PSD3: variants seen among roughly 807,000 people sequenced by gnomAD.
The protein encoded by PSD3 is pleckstrin and Sec7 domain containing 3.
Under a neutral mutation model 105.5 loss-of-function variants are expected in PSD3, and 49 were observed. The ratio of observed to expected loss-of-function variants is 0.46; its 90% confidence interval spans 0.37 to 0.59. PSD3 has a LOEUF of 0.59. Ranked by LOEUF, PSD3 falls within the 20% of genes least tolerant of loss-of-function variation. The pLI is 0.00. For missense variants in PSD3, 1,561 were observed against 1,263.8 expected, an observed-to-expected ratio of 1.24 and a Z score of -3.57; for synonymous variants, 557 against 457.8, an observed-to-expected ratio of 1.22 and a Z score of -2.77.
At chr8:18,768,409 T>C (rs1461036349) in intron 8 of PSD3, among the ~76,000 whole-genome samples, 1 of 152,156 alleles carries the variant, frequency 6.6e-6, no homozygotes, top group South Asian at 2.1e-4. Flanking sequence ...AGATCAAGAC[T>C]AGCCTGGGTA....
At chr8:18,800,052 T>C (rs1306663196) in intron 7 of PSD3, among the ~76,000 whole-genome samples, 1 of 152,220 alleles carries the variant, frequency 6.6e-6, no homozygotes, top group Non-Finnish European at 1.5e-5. Context: ...TAAAAGTATA[T>C]TTATTCTAGT....
chr8:18,562,294 T>A (rs1415833740), intron 14 of PSD3, among the ~76,000 whole-genome samples: 1 of 152,154 alleles, frequency 6.6e-6, no homozygotes, highest in Admixed American at 6.5e-5. Flanking sequence ...ACCCTCTTTG[T>A]CTTAGAGAAG....
At chr8:19,026,409 C>CTAATCGCA (rs1827551445) in intron 1 of PSD3, among the ~76,000 whole-genome samples, 1 of 152,008 alleles carries the variant, frequency 6.6e-6, no homozygotes, top group African/African-American at 2.4e-5. Flanking sequence ...GTGACAAGGG[C>CTAATCGCA]TAATCGCAGA....
At chr8:18,927,416 G>T (rs999231956) in intron 2 of PSD3, among the ~76,000 whole-genome samples, 14 of 152,170 alleles carry the variant, frequency 9.2e-5, no homozygotes, top group South Asian at 2.1e-4. Context: ...GTTTCATCAC[G>T]TTGGTCAAGT....
rs1032987228 is a variant in PSD3, at chr8:18,531,418, T to C, written c.*4325A>G. 5 of 152,526 alleles carry C rather than the reference T, an allele frequency of 3.3e-5. No homozygotes were observed. Among genetic ancestry groups the C allele is most frequent in the Non-Finnish European group, 7.3e-5 (5 of 68,052 alleles). 9.4% of individuals were successfully genotyped at this position (152,526 alleles called of 1,614,324 possible). On this transcript the variant is annotated 3_prime_UTR_variant, in exon 16 of 16. Coordinates refer to ENST00000327040, the MANE Select transcript of PSD3 (RefSeq NM_015310.4). ...AATGCCTTTGGATTTCAGTCCTTCC[T>C]TTATGGATGAGAGATGGAAAAGGAA...
At chr8:18,950,534 T>A (rs1259353119) in intron 1 of PSD3, among the ~76,000 whole-genome samples, 1 of 152,150 alleles carries the variant, frequency 6.6e-6, no homozygotes, top group Non-Finnish European at 1.5e-5. Flanking sequence ...CATCTCCCGA[T>A]TTCCCCTACC....
chr8:18,923,286 G>A lies in PSD3; in HGVS notation c.130+12748C>T, dbSNP rs564638207. On this transcript the variant is annotated intron_variant, in intron 2 of 15. Transcript: ENST00000327040. ...CTGGGCTGCATGTGGCCCATGGGCT[G>A]TGGGTTGCATAAGCTTGCTCTAAGC... Among the ~76,000 whole-genome samples the A allele has an allele frequency of 3.6e-4, 55 of 152,220 alleles. 1 individual carries two copies. Among genetic ancestry groups the A allele is most frequent in the Non-Finnish European group, 6.8e-4 (46 of 68,042 alleles).
chr8:18,873,278 A>G (rs1817512405), intron 2 of PSD3, among the ~76,000 whole-genome samples: 1 of 152,132 alleles, frequency 6.6e-6, no homozygotes, highest in Non-Finnish European at 1.5e-5. Context: ...TGGAGGGAAA[A>G]AATGCTTTCA....
At chr8:18,869,710 G>A (rs999967081) in intron 3 of PSD3, among the ~76,000 whole-genome samples, 2 of 152,084 alleles carry the variant, frequency 1.3e-5, no homozygotes, top group Non-Finnish European at 2.9e-5. Flanking sequence ...GAAAAGCTTT[G>A]TCCAAGCCAT....
rs182604216 is a variant in PSD3, at chr8:18,591,293, C to T, written c.2481+9071G>A. ...AGGAAAGAGGTCTTTGCTATTCTGG[C>T]TTTTCAGAGGGCTGCCTGGGTAATG... On this transcript the variant is annotated intron_variant, in intron 12 of 15. Transcript: ENST00000327040. Among the ~76,000 whole-genome samples the T allele has an allele frequency of 2.6e-5, 4 of 152,262 alleles. No individual in the cohort carries two copies. In the East Asian group the frequency reaches 7.7e-4, roughly 29 times the overall value.
chr8:18,881,758 T>C (rs1259633829), intron 2 of PSD3, among the ~76,000 whole-genome samples: 2 of 152,226 alleles, frequency 1.3e-5, no homozygotes, highest in Admixed American at 6.5e-5. Flanking sequence ...TGTATTGTTT[T>C]GTTGCCACAA....
chr8:19,063,129 T>G (rs1298080011), intron 1 of PSD3, among the ~76,000 whole-genome samples: 1 of 152,202 alleles, frequency 6.6e-6, no homozygotes, highest in Non-Finnish European at 1.5e-5. Context: ...AGTTGAGAGT[T>G]CCATTGAGTC....
chr8:18,832,430 A>G (rs931222831), intron 4 of PSD3, among the ~76,000 whole-genome samples: 1 of 152,114 alleles, frequency 6.6e-6, no homozygotes, highest in Non-Finnish European at 1.5e-5. Flanking sequence ...CGTTTTGGGC[A>G]CAGGCTTATT....
chr8:18,995,362 A>T (rs1203350167), intron 1 of PSD3, among the ~76,000 whole-genome samples: 1 of 152,076 alleles, frequency 6.6e-6, no homozygotes, highest in Non-Finnish European at 1.5e-5. Context: ...TTTTGCAAAG[A>T]TCAATAAAAA....
At chr8:18,863,407 G>C (rs748035092) in intron 4 of PSD3, among the ~76,000 whole-genome samples, 1 of 152,206 alleles carries the variant, frequency 6.6e-6, no homozygotes. Context: ...GCTGACCCCC[G>C]GTCAGCCTGA....
chr8:18,785,240 C>G (rs1809028930), intron 8 of PSD3, among the ~76,000 whole-genome samples: 1 of 152,098 alleles, frequency 6.6e-6, no homozygotes, highest in South Asian at 2.1e-4. Context: ...TGAAATGACC[C>G]TTATTATAAA....
At chr8:18,689,594 C>G (rs1351423890) in intron 9 of PSD3, among the ~76,000 whole-genome samples, 1 of 152,130 alleles carries the variant, frequency 6.6e-6, no homozygotes, top group Non-Finnish European at 1.5e-5. Context: ...AACAGAATGG[C>G]GGTTGTAACA....
At chr8:19,044,909 G>A (rs977667041) in intron 1 of PSD3, among the ~76,000 whole-genome samples, 1 of 152,204 alleles carries the variant, frequency 6.6e-6, no homozygotes, top group Non-Finnish European at 1.5e-5. Flanking sequence ...TCCAGGCTGG[G>A]CATGGCGGAT....
At chr8:18,638,217 A>G (rs1444261950) in intron 10 of PSD3, among the ~76,000 whole-genome samples, 1 of 151,912 alleles carries the variant, frequency 6.6e-6, no homozygotes. Flanking sequence ...CATACTCAAC[A>G]GTCAAAGGTG....
Sources: gnomAD v4.1 joint callset for allele counts (sites outside exome capture counted in the v4.1 genomes callset) on GRCh38, gnomAD v4.1.1 for gene constraint, MANE v1.5 for transcripts, NCBI Gene and HGNC (gene_info 2026-07-23, HGNC 2026-07-21) for gene names.